The following CLASP2 variants were observed in gnomAD, a reference collection of about 807,000 sequenced individuals.
CLASP2 encodes CLIP-associating protein 2.
A neutral mutation model predicts 194.4 loss-of-function variants in CLASP2; 47 were observed. The ratio of observed to expected loss-of-function variants is 0.24; its 90% confidence interval spans 0.19 to 0.31. The LOEUF (loss-of-function observed/expected upper bound fraction) is 0.31, where lower values mean the gene tolerates loss of function less well. CLASP2 is among the 10% of genes least tolerant of loss of function. The probability of loss-of-function intolerance (pLI) is 1.00; values close to 1 mark genes in which losing one functional copy is unlikely to be tolerated. For synonymous variants in CLASP2, 619 were observed against 633.5 expected (o/e 0.98, Z 0.34); for missense variants, 1,445 against 1,823.6 (o/e 0.79, Z 3.78).
intron 31 of CLASP2, among the ~76,000 whole-genome samples, chr3:33,544,054 T>TC (rs1242280844): frequency 6.6e-6 from 1 of 152,230 alleles, no homozygotes; most frequent in Admixed American, 6.5e-5. Context: ...AAGCCTGCCA[T>TC]CAGTGTGTCT....
rs769751665 is a variant in CLASP2 at position 33,570,708 on chromosome 3, C to T, written c.2763+19G>A. ...ATGATACCCTATAGAAATAAATAATCTTAAATACTAAAACATACCTTGCCA... is the reference window on the plus strand; with the variant it reads ...ATGATACCCTATAGAAATAAATAATTTTAAATACTAAAACATACCTTGCCA... On this transcript the variant is annotated intron_variant, in intron 26 of 38. Coordinates refer to ENST00000682230, the MANE Select transcript of CLASP2 (RefSeq NM_001365631.1). 1.3e-6 allele frequency: 2 copies of T among 1,585,472 alleles called. No homozygotes were observed. The highest frequency in any genetic ancestry group is 4.6e-5 in the East Asian group (2 of 43,698).
At chr3:33,578,363 C>A (rs1333071537) in intron 23 of CLASP2, among the ~76,000 whole-genome samples, 1 of 152,136 alleles carries the variant, frequency 6.6e-6, no homozygotes. Context: ...TTTTGCATAA[C>A]ACCATAAAGT....
At chr3:33,540,637 T>C (rs1409517493) in intron 32 of CLASP2, among the ~76,000 whole-genome samples, 1 of 152,218 alleles carries the variant, frequency 6.6e-6, no homozygotes, top group East Asian at 1.9e-4. Context: ...ATGGAAAAAA[T>C]AGGCTAGGAA....
chr3:33,695,378 A>G (rs2091781910), intron 2 of CLASP2, among the ~76,000 whole-genome samples: 1 of 151,678 alleles, frequency 6.6e-6, no homozygotes, highest in Admixed American at 6.6e-5. Flanking sequence ...ATAGAGTTGT[A>G]AGGGGAGACT....
chr3:33,683,657 A>G (rs999715232), intron 6 of CLASP2: 1 of 152,388 alleles, frequency 6.6e-6, no homozygotes, highest in African/African-American at 2.4e-5. Context: ...CTATTTAAAT[A>G]CACAGGCTGG....
intron 21 of CLASP2, among the ~76,000 whole-genome samples, chr3:33,590,084 A>AT (rs1156954004): frequency 6.6e-6 from 1 of 152,144 alleles, no homozygotes; most frequent in East Asian, 1.9e-4. Flanking sequence ...AGTATTTAAA[A>AT]TTTTTTTAAA....
chr3:33,540,393 T>C (rs1343787938), intron 32 of CLASP2, among the ~76,000 whole-genome samples: 3 of 151,964 alleles, frequency 2.0e-5, no homozygotes, highest in Non-Finnish European at 4.4e-5. Context: ...CACACCACCA[T>C]GCTAGGCTGA....
intron 30 of CLASP2, among the ~76,000 whole-genome samples, chr3:33,547,770 T>C (rs1468389502): frequency 6.6e-6 from 1 of 151,638 alleles, no homozygotes; most frequent in Non-Finnish European, 1.5e-5. Flanking sequence ...GGCTTTTCTT[T>C]GTGCAGTTTT....
chr3:33,575,302 T>C (rs1384198507), intron 24 of CLASP2, among the ~76,000 whole-genome samples: 1 of 152,180 alleles, frequency 6.6e-6, no homozygotes, highest in East Asian at 1.9e-4. Flanking sequence ...ATTATAGCTA[T>C]TACCAATGAA....
intron 18 of CLASP2, among the ~76,000 whole-genome samples, chr3:33,598,354 A>G (rs1288167102): frequency 6.6e-6 from 1 of 151,926 alleles, no homozygotes; most frequent in East Asian, 1.9e-4. Flanking sequence ...TTAATGTCCA[A>G]CTTTCCAAAA....
At chr3:33,584,727 T>TAA (rs371484858) in intron 22 of CLASP2, 23 bp downstream of exon 22, 968 of 1,251,504 alleles carry the variant, frequency 7.7e-4, no homozygotes, top group South Asian at 2.5e-3. Context: ...ATGTCTCACA[T>TAA]AAAAAAAAAA....
At position 33,620,524 on chromosome 3, in the gene CLASP2, C is replaced by T. The variant is rs565910599; in HGVS notation, c.1182-786G>A. On this transcript the variant is annotated intron_variant, in intron 11 of 38. Coordinates refer to ENST00000682230, the MANE Select transcript of CLASP2 (RefSeq NM_001365631.1). ...TTCTTGATTCAAAGAGCTCAGATTC[C>T]GACCTATGCACTGTTATAATATTAG... is the stretch of plus-strand genomic sequence containing the variant. Among the ~76,000 whole-genome samples, 5 of 152,240 alleles carry T rather than the reference C, an allele frequency of 3.3e-5. No homozygotes were observed. In the East Asian group the frequency reaches 5.8e-4, roughly 18 times the overall value.
At chr3:33,627,785 T>C (rs1417071620) in intron 9 of CLASP2, among the ~76,000 whole-genome samples, 2 of 151,096 alleles carry the variant, frequency 1.3e-5, no homozygotes, top group East Asian at 2.0e-4. Flanking sequence ...TAAGAGGAGG[T>C]TGACCTATGA....
At chr3:33,585,971 T>G (rs2154219047) in intron 21 of CLASP2, among the ~76,000 whole-genome samples, 1 of 152,288 alleles carries the variant, frequency 6.6e-6, no homozygotes, top group East Asian at 1.9e-4. Context: ...AAATTAAATT[T>G]TAAATGCTGA....
In CLASP2 at chr3:33,503,917, C is replaced by T. The variant is rs185422296; in HGVS notation, c.4318-2149G>A. 16 of 152,252 alleles carry T rather than the reference C, an allele frequency of 1.1e-4. No individual in the cohort carries two copies. In the East Asian group the frequency reaches 1.2e-3, roughly 11 times the overall value. The allele number at this position is 152,252 out of a possible 1,614,324, so 9.4% of individuals were successfully genotyped here. A position where few individuals can be genotyped will look rare whatever the true frequency, so the allele number is the denominator to read the frequency against. ...GGTATCTCATTGTGGTTTTGATTTCCGTAATTACTAATGACACCAAGCATC... is the reference window on the plus strand; with the variant it reads ...GGTATCTCATTGTGGTTTTGATTTCTGTAATTACTAATGACACCAAGCATC... On this transcript the variant is annotated intron_variant, in intron 37 of 38. Coordinates refer to ENST00000682230, the MANE Select transcript of CLASP2 (RefSeq NM_001365631.1).
intron 6 of CLASP2, among the ~76,000 whole-genome samples, chr3:33,671,689 C>T (rs1264182058): frequency 6.6e-6 from 1 of 152,180 alleles, no homozygotes; most frequent in East Asian, 1.9e-4. Flanking sequence ...CTTTCCTAGT[C>T]AAAGAAAGGG....
At chr3:33,514,356 A>C (rs1246559100) in intron 36 of CLASP2, among the ~76,000 whole-genome samples, 1 of 152,138 alleles carries the variant, frequency 6.6e-6, no homozygotes, top group Non-Finnish European at 1.5e-5. Flanking sequence ...TTTAATGCTG[A>C]TGAAGTCCAA....
intron 26 of CLASP2, among the ~76,000 whole-genome samples, 193 bp from the exon 27 acceptor site, chr3:33,566,927 A>G (rs942362088): frequency 1.3e-5 from 2 of 152,260 alleles, no homozygotes; most frequent in African/African-American, 4.8e-5. Flanking sequence ...TTAAATGAAT[A>G]GTATGGGAGA....
chr3:33,559,689 G>A (rs1034861192), intron 28 of CLASP2, among the ~76,000 whole-genome samples: 1 of 152,180 alleles, frequency 6.6e-6, no homozygotes, highest in Non-Finnish European at 1.5e-5. Context: ...GAGGTCAGGA[G>A]TTCGAGACCA....
Sources: gnomAD v4.1 joint callset for allele counts (sites outside exome capture counted in the v4.1 genomes callset) on GRCh38, gnomAD v4.1.1 for gene constraint, MANE v1.5 for transcripts, NCBI Gene and HGNC (gene_info 2026-07-23, HGNC 2026-07-21) for gene names.